GALNT9: variants seen among roughly 807,000 people sequenced by gnomAD.
The protein encoded by GALNT9 is GalNAc transferase 9.
Under a neutral mutation model 63.1 loss-of-function variants are expected in GALNT9, and 47 were observed. The observed-to-expected ratio is 0.75, with a 90% CI of 0.59 to 0.95. The LOEUF (loss-of-function observed/expected upper bound fraction) is 0.95. Ranked by LOEUF, GALNT9 falls within the 40% of genes least tolerant of loss-of-function variation. GALNT9 has a pLI of 0.00. For missense variants in GALNT9, 829 were observed against 874.8 expected, an observed-to-expected ratio of 0.95 and a Z score of 0.66; for synonymous variants, 396 against 365.7, an observed-to-expected ratio of 1.08 and a Z score of -0.94.
intron 6 of GALNT9, among the ~76,000 whole-genome samples, chr12:132,229,602 G>C (rs1457008053): frequency 6.6e-6 from 1 of 152,190 alleles, no homozygotes; most frequent in Non-Finnish European, 1.5e-5. Flanking sequence ...CGGGGATGGG[G>C]CTGGGAGAGA....
At chr12:132,255,954 G>A (rs1879093878) in intron 5 of GALNT9, among the ~76,000 whole-genome samples, 1 of 152,052 alleles carries the variant, frequency 6.6e-6, no homozygotes, top group Non-Finnish European at 1.5e-5. Flanking sequence ...CCATGAGGGA[G>A]GGCGAACTCC....
rs568288926 is a variant in GALNT9 at position 132,309,105 on chromosome 12, C to T, written c.238+19861G>A. 7.2e-5 allele frequency among the ~76,000 whole-genome samples: 11 copies of T among 152,374 alleles called. No homozygotes were observed. The East Asian group carries it at 9.6e-4, about 13-fold the overall frequency. On this transcript the variant is annotated intron_variant, in intron 1 of 10. Coordinates refer to ENST00000328957, the MANE Select transcript of GALNT9 (RefSeq NM_001122636.2). ...CCCCACCCATTCAGCCCACATCCAC[C>T]GGGCTGCAGGCGTGTCTGTCCCACG...
intron 6 of GALNT9, chr12:132,247,672 C>G: frequency 2.3e-6 from 1 of 440,114 alleles, no homozygotes; most frequent in Non-Finnish European, 3.9e-6. Flanking sequence ...ACCCCGTCCC[C>G]GGATGCCGTG....
intron 7 of GALNT9, among the ~76,000 whole-genome samples, chr12:132,202,475 G>A (rs112295435): frequency 2.0e-5 from 3 of 152,198 alleles, no homozygotes; most frequent in Non-Finnish European, 2.9e-5. Flanking sequence ...TCACCCACAC[G>A]CTGGGGTGCA....
chr12:132,310,088 C>G lies in GALNT9; in HGVS notation c.238+18878G>C, dbSNP rs536836012. Among the ~76,000 whole-genome samples, 2 of 152,330 alleles carry G rather than the reference C, an allele frequency of 1.3e-5. No homozygotes were observed. Among genetic ancestry groups the G allele is most frequent in the African/African-American group, 4.8e-5 (2 of 41,568 alleles). On this transcript the variant is annotated intron_variant, in intron 1 of 10. Transcript: ENST00000328957. The surrounding 1 kb of genome is among the most constrained non-coding windows in gnomAD (Gnocchi z 4.8). ...GGAATCTGAGGTTTTCACCTTTTATCCACAGCCCTGTACTGTTTTTCGTGC... is the reference window on the plus strand; with the variant it reads ...GGAATCTGAGGTTTTCACCTTTTATGCACAGCCCTGTACTGTTTTTCGTGC...
intron 2 of GALNT9, among the ~76,000 whole-genome samples, chr12:132,285,619 A>T (rs1880557752): frequency 6.6e-6 from 1 of 152,192 alleles, no homozygotes. Flanking sequence ...CTTCAGACAC[A>T]AGCGACACCC....
chr12:132,277,014 C>T (rs1555241256), intron 2 of GALNT9, among the ~76,000 whole-genome samples: 1 of 152,118 alleles, frequency 6.6e-6, no homozygotes, highest in Non-Finnish European at 1.5e-5. Flanking sequence ...GATACATGCG[C>T]ATGTACAGGC....
chr12:132,240,673 C>G, intron 6 of GALNT9: 1 of 456,000 alleles, frequency 2.2e-6, no homozygotes, highest in Non-Finnish European at 4.4e-6. Context: ...CCGTGTTTTT[C>G]TTCCTCTTTT....
intron 6 of GALNT9, among the ~76,000 whole-genome samples, chr12:132,206,740 G>A (rs1016006374): frequency 2.6e-5 from 4 of 152,248 alleles, no homozygotes; most frequent in Admixed American, 2.0e-4. Context: ...GACCCAGCCG[G>A]CAACTGGGAG....
intron 4 of GALNT9, among the ~76,000 whole-genome samples, chr12:132,259,051 G>T (rs1555239447): frequency 1.3e-5 from 2 of 152,208 alleles, no homozygotes; most frequent in East Asian, 1.9e-4. Flanking sequence ...TGAGCATGAG[G>T]CCTGGTATTT....
At chr12:132,228,541 G>T (rs1462939734) in intron 6 of GALNT9, among the ~76,000 whole-genome samples, 2 of 152,042 alleles carry the variant, frequency 1.3e-5, no homozygotes, top group Non-Finnish European at 2.9e-5. Context: ...CCTCTGGCGA[G>T]ACAGGGCTTA....
intron 1 of GALNT9, among the ~76,000 whole-genome samples, chr12:132,295,490 G>T (rs1001833073): frequency 1.3e-5 from 2 of 152,256 alleles, no homozygotes; most frequent in African/African-American, 4.8e-5. Flanking sequence ...AGGTAGTGCG[G>T]GAGTCGGGTG....
intron 1 of GALNT9, among the ~76,000 whole-genome samples, chr12:132,328,349 T>C (rs1186995353): frequency 1.3e-5 from 2 of 152,182 alleles, no homozygotes; most frequent in African/African-American, 4.8e-5. Flanking sequence ...AAGCCCTGCA[T>C]GATCCTCAAC....
At chr12:132,290,229 G>A (rs1880754431) in intron 1 of GALNT9, among the ~76,000 whole-genome samples, 1 of 152,088 alleles carries the variant, frequency 6.6e-6, no homozygotes, top group Non-Finnish European at 1.5e-5. Context: ...GCAGAGCCAG[G>A]TGCCTGCCCC....
intron 6 of GALNT9, among the ~76,000 whole-genome samples, chr12:132,221,555 G>T (rs1220876505): frequency 1.5e-4 from 22 of 150,426 alleles, no homozygotes; most frequent in African/African-American, 5.4e-4. Context: ...CAGGTACTCG[G>T]GAGGCTGAGG....
At chr12:132,300,937 G>A (rs2135574383) in intron 1 of GALNT9, among the ~76,000 whole-genome samples, 1 of 152,382 alleles carries the variant, frequency 6.6e-6, no homozygotes, top group Admixed American at 6.5e-5. Flanking sequence ...CTCTCTCAAT[G>A]CCATGGTGGG....
rs553838063 is a variant in GALNT9, at chr12:132,301,569, C to T, written c.239-15139G>A. ...CCACCCGGAGGTAGGGATGGCTGTG[C>T]GAACATTCACCGCCGGCACAGCAGG... On this transcript the variant is annotated intron_variant, in intron 1 of 10. Transcript: ENST00000328957. Among the ~76,000 whole-genome samples, 8 of 152,360 alleles carry T rather than the reference C, an allele frequency of 5.3e-5. 1 individual carries two copies. The South Asian group carries it at 6.2e-4, about 12-fold the overall frequency.
chr12:132,299,069 C>T (rs1175278609), intron 1 of GALNT9, among the ~76,000 whole-genome samples: 4 of 141,784 alleles, frequency 2.8e-5, no homozygotes, highest in Non-Finnish European at 4.6e-5. Context: ...CCCACCACAC[C>T]TAACCCACCC....
chr12:132,327,080 T>C lies in GALNT9; in HGVS notation c.238+1886A>G, dbSNP rs544460969. ...TCACAGAGGGGGACGAAACTCGGCC[T>C]CATCAAAAGGTTGAGGGCAAAGACA... is the stretch of plus-strand genomic sequence containing the variant. On this transcript the variant is annotated intron_variant, in intron 1 of 10. Transcript: ENST00000328957. This position sits in a 1 kb window ranked among gnomAD's most constrained non-coding sequence, Gnocchi z 4.3. Among the ~76,000 whole-genome samples, 15 of 152,156 alleles carry C rather than the reference T, an allele frequency of 9.9e-5. No individual in the cohort carries two copies. Among genetic ancestry groups the C allele is most frequent in the African/African-American group, 3.1e-4 (13 of 41,530 alleles).
Sources: gnomAD v4.1 joint callset for allele counts (sites outside exome capture counted in the v4.1 genomes callset) on GRCh38, gnomAD v4.1.1 for gene constraint, Gnocchi (gnomAD v3.1) non-coding constraint, MANE v1.5 for transcripts, NCBI Gene and HGNC (gene_info 2026-07-23, HGNC 2026-07-21) for gene names.